Variants in STAG1 observed in about 807,000 individuals in gnomAD.
The protein encoded by STAG1 is STAG1 cohesin complex component, also known as cohesin subunit SA-1.
A neutral mutation model predicts 170.9 loss-of-function variants in STAG1; 26 were observed. The observed-to-expected ratio is 0.15, with a 90% CI of 0.11 to 0.21. STAG1 has a LOEUF of 0.21. Ranked by LOEUF, STAG1 falls within the 10% of genes least tolerant of loss-of-function variation. STAG1 has a pLI of 1.00. For synonymous variants in STAG1, 514 were observed against 497.7 expected (o/e 1.03, Z -0.44); for missense variants, 964 against 1,509.5 (o/e 0.64, Z 5.99).
At chr3:136,528,028 G>A (rs889997414) in intron 6 of STAG1, among the ~76,000 whole-genome samples, 3 of 152,164 alleles carry the variant, frequency 2.0e-5, no homozygotes, top group Non-Finnish European at 4.4e-5. Context: ...GCTACTTGGG[G>A]GTCAGGGACC....
At chr3:136,418,034 C>T in intron 20 of STAG1, 62 bp from the exon 21 acceptor site, 1 of 1,283,020 alleles carries the variant, frequency 7.8e-7, no homozygotes, top group Non-Finnish European at 1.1e-6. Context: ...AATTTGAGCT[C>T]AGTTCAGGTG....
chr3:136,391,480 G>A (rs777425600), intron 22 of STAG1, among the ~76,000 whole-genome samples: 19 of 150,882 alleles, frequency 1.3e-4, no homozygotes, highest in Non-Finnish European at 1.3e-4. Flanking sequence ...GGGTTAAAGC[G>A]ATTCTCCTGC....
intron 6 of STAG1, among the ~76,000 whole-genome samples, chr3:136,526,209 C>T (rs1334205452): frequency 6.6e-6 from 1 of 152,152 alleles, no homozygotes; most frequent in South Asian, 2.1e-4. Flanking sequence ...TAAAGCCTCT[C>T]ATAATTATTG....
chr3:136,422,292 G>C, intron 19 of STAG1, 118 bp downstream of exon 19: 1 of 895,540 alleles, frequency 1.1e-6, no homozygotes, highest in Admixed American at 2.6e-5. Flanking sequence ...CTAAGTTTTG[G>C]AAGGGGCAGA....
At chr3:136,677,434 CTA>C (rs1942159061) in intron 1 of STAG1, among the ~76,000 whole-genome samples, 1 of 152,110 alleles carries the variant, frequency 6.6e-6, no homozygotes, top group African/African-American at 2.4e-5. Context: ...TGACATATGA[CTA>C]TATATAAAAA....
At chr3:136,724,230 C>A (rs964017058) in intron 1 of STAG1, among the ~76,000 whole-genome samples, 32 of 152,004 alleles carry the variant, frequency 2.1e-4, no homozygotes, top group Non-Finnish European at 3.1e-4. Context: ...GAGGTAGACA[C>A]GGGAGACTTT....
chr3:136,440,094 CAA>C (rs1427420282), intron 15 of STAG1, among the ~76,000 whole-genome samples: 4 of 152,118 alleles, frequency 2.6e-5, no homozygotes, highest in African/African-American at 9.7e-5. Flanking sequence ...AGAAAGTTAA[CAA>C]TATCAAAGCA....
intron 1 of STAG1, among the ~76,000 whole-genome samples, chr3:136,708,658 C>T (rs1303335146): frequency 6.6e-6 from 1 of 152,060 alleles, no homozygotes; most frequent in Admixed American, 6.6e-5. Flanking sequence ...ACTGGAAAGC[C>T]AGTATGAAGT....
intron 3 of STAG1, among the ~76,000 whole-genome samples, chr3:136,611,585 C>T (rs900879322): frequency 2.0e-5 from 3 of 151,674 alleles, no homozygotes; most frequent in Non-Finnish European, 4.4e-5. Flanking sequence ...AACCTCCCCT[C>T]CCAAGCTTAA....
At chr3:136,732,467 A>G (rs927045236) in intron 1 of STAG1, among the ~76,000 whole-genome samples, 1 of 152,176 alleles carries the variant, frequency 6.6e-6, no homozygotes, top group African/African-American at 2.4e-5. Flanking sequence ...AAGCATTACA[A>G]TGTCTTTCCA....
At chr3:136,491,530 CTTA>C (rs2090124915) in intron 9 of STAG1, among the ~76,000 whole-genome samples, 1 of 152,060 alleles carries the variant, frequency 6.6e-6, no homozygotes, top group Non-Finnish European at 1.5e-5. Flanking sequence ...TCCCCTGGTT[CTTA>C]TTATTTGCCA....
chr3:136,393,044 A>G (rs2087054352), intron 22 of STAG1, among the ~76,000 whole-genome samples: 1 of 152,190 alleles, frequency 6.6e-6, no homozygotes, highest in Admixed American at 6.5e-5. Context: ...AAAGAAAAAC[A>G]AATAATGGTT....
intron 1 of STAG1, among the ~76,000 whole-genome samples, chr3:136,653,035 G>T (rs925029190): frequency 6.6e-6 from 1 of 152,152 alleles, no homozygotes; most frequent in South Asian, 2.1e-4. Context: ...AGCACTTTGG[G>T]AGGCCGAGGC....
At chr3:136,556,943 A>C (rs1936648399) in intron 5 of STAG1, among the ~76,000 whole-genome samples, 1 of 152,094 alleles carries the variant, frequency 6.6e-6, no homozygotes, top group Non-Finnish European at 1.5e-5. Flanking sequence ...CTAGTCAAGA[A>C]ATTTTTTGAC....
intron 16 of STAG1, among the ~76,000 whole-genome samples, chr3:136,432,803 T>C (rs575492237): frequency 6.6e-6 from 1 of 152,308 alleles, no homozygotes; most frequent in African/African-American, 2.4e-5. Flanking sequence ...CTTAATCCAT[T>C]CTCTCTGACA....
At chr3:136,671,054 G>T (rs1941965756) in intron 1 of STAG1, among the ~76,000 whole-genome samples, 1 of 152,152 alleles carries the variant, frequency 6.6e-6, no homozygotes, top group Admixed American at 6.5e-5. Context: ...GGAGGCCGAG[G>T]CGGGCAGATC....
chr3:136,712,166 C>T (rs1248483272), intron 1 of STAG1, among the ~76,000 whole-genome samples: 6 of 152,140 alleles, frequency 3.9e-5, no homozygotes, highest in African/African-American at 4.8e-5. Context: ...TACAGGCGCA[C>T]GCCACCACAC....
intron 1 of STAG1, among the ~76,000 whole-genome samples, chr3:136,666,310 T>G (rs1576737440): frequency 6.6e-6 from 1 of 152,078 alleles, no homozygotes. Flanking sequence ...TTTGGTCTTA[T>G]AAGACTCTTA....
chr3:136,663,370 A>G (rs1338584782), intron 1 of STAG1, among the ~76,000 whole-genome samples: 2 of 152,218 alleles, frequency 1.3e-5, no homozygotes, highest in Admixed American at 6.5e-5. Context: ...GCAAATAGGT[A>G]CAAAGAAATG....
Sources: gnomAD v4.1 joint callset for allele counts (sites outside exome capture counted in the v4.1 genomes callset) on GRCh38, gnomAD v4.1.1 for gene constraint, MANE v1.5 for transcripts, NCBI Gene and HGNC (gene_info 2026-07-23, HGNC 2026-07-21) for gene names.